DOCK3: variants seen among roughly 807,000 people sequenced by gnomAD.
DOCK3 encodes dedicator of cytokinesis protein 3.
In DOCK3, 60 loss-of-function variants were observed where a neutral mutation model predicts 265.6. That is an observed-to-expected ratio of 0.23 (90% confidence interval 0.18 to 0.28). The LOEUF (loss-of-function observed/expected upper bound fraction) is 0.28. DOCK3 is among the 10% of genes least tolerant of loss of function. The pLI is 1.00. For missense variants in DOCK3, 1,981 were observed against 2,594.3 expected (o/e 0.76, Z 5.14); for synonymous variants, 881 against 938.0 (o/e 0.94, Z 1.11).
At chr3:50,955,850 G>A (rs928051096) in intron 5 of DOCK3, among the ~76,000 whole-genome samples, 2 of 152,100 alleles carry the variant, frequency 1.3e-5, no homozygotes, top group Non-Finnish European at 2.9e-5. Flanking sequence ...GCTAAAAAAA[G>A]GGATAACAGT....
At chr3:50,741,812 A>G (rs1451003542) in intron 1 of DOCK3, among the ~76,000 whole-genome samples, 1 of 152,132 alleles carries the variant, frequency 6.6e-6, no homozygotes, top group Non-Finnish European at 1.5e-5. Context: ...GCTGGGTCAA[A>G]TGGTATTTCT....
intron 37 of DOCK3, among the ~76,000 whole-genome samples, chr3:51,340,666 GC>G (rs2085177605): frequency 6.6e-6 from 1 of 152,344 alleles, no homozygotes; most frequent in Non-Finnish European, 1.5e-5. Context: ...AGGCCCCTGA[GC>G]CGTGGCTGTG....
At chr3:50,937,548 C>T (rs1171977744) in intron 5 of DOCK3, among the ~76,000 whole-genome samples, 1 of 151,444 alleles carries the variant, frequency 6.6e-6, no homozygotes. Context: ...CCAAGCTACT[C>T]GAGAGGCTGA....
chr3:51,339,090 A>G (rs900934961), intron 37 of DOCK3, 62 bp downstream of exon 37: 15 of 1,384,212 alleles, frequency 1.1e-5, no homozygotes, highest in African/African-American at 2.9e-5. Context: ...GATTTGTACA[A>G]TAGGCAGAGA....
At chr3:50,849,570 C>T (rs1280485442) in intron 3 of DOCK3, among the ~76,000 whole-genome samples, 8 of 151,254 alleles carry the variant, frequency 5.3e-5, no homozygotes, top group Admixed American at 6.6e-5. Flanking sequence ...TCTCCCACCT[C>T]AACGTCCTGA....
In DOCK3 at chr3:50,719,027, G is replaced by A. The variant is rs968221872; in HGVS notation, c.37+43727G>A. On this transcript the variant is annotated intron_variant, in intron 1 of 52. Coordinates refer to ENST00000266037, the MANE Select transcript of DOCK3 (RefSeq NM_004947.5). The stretch of plus-strand genomic sequence containing the variant: ...TCTCAATCTCCTGACCTCGTGATCC[G>A]CCCACCTCAGCCTCCCAAAGTGCTG... Among the ~76,000 whole-genome samples the A allele has an allele frequency of 2.0e-5, 3 of 151,838 alleles. 1 individual carries two copies. In the South Asian group the frequency reaches 6.2e-4, roughly 32 times the overall value.
intron 10 of DOCK3, among the ~76,000 whole-genome samples, chr3:51,150,197 A>AT (rs1302855887): frequency 6.6e-6 from 1 of 151,770 alleles, no homozygotes; most frequent in Non-Finnish European, 1.5e-5. Flanking sequence ...CCCCTTTTTC[A>AT]TTTTTTATTA....
intron 5 of DOCK3, among the ~76,000 whole-genome samples, chr3:50,946,421 A>T (rs1330486619): frequency 6.6e-6 from 1 of 152,232 alleles, no homozygotes; most frequent in Non-Finnish European, 1.5e-5. Context: ...TTAGTATTTT[A>T]ACTATGTAAG....
At chr3:51,173,403 A>C (rs147688448) in intron 12 of DOCK3, among the ~76,000 whole-genome samples, 1 of 152,284 alleles carries the variant, frequency 6.6e-6, no homozygotes, top group Non-Finnish European at 1.5e-5. Flanking sequence ...GATTACAGGC[A>C]TAAGCCACCG....
intron 5 of DOCK3, among the ~76,000 whole-genome samples, chr3:51,055,408 G>A (rs2081159498): frequency 6.6e-6 from 1 of 152,080 alleles, no homozygotes; most frequent in Non-Finnish European, 1.5e-5. Flanking sequence ...CTTACTCTTA[G>A]GGCTTTTTTA....
At position 51,260,996 on chromosome 3, in the gene DOCK3, G is replaced by GA. The variant is rs902993795; in HGVS notation, c.2355+679dup. 8.0e-5 allele frequency among the ~76,000 whole-genome samples: 12 copies of GA among 149,598 alleles called. No individual in the cohort carries two copies. The South Asian group carries it at 1.7e-3, about 21-fold the overall frequency. On this transcript the variant is annotated intron_variant, in intron 23 of 52. Transcript: ENST00000266037. ...GAGACTCTGTCTCCAAAAAGAAAAA[G>GA]AAAAAAAAAGAAAATTTAGATTAGC...
At chr3:50,833,672 T>C (rs915980239) in intron 2 of DOCK3, among the ~76,000 whole-genome samples, 1 of 152,116 alleles carries the variant, frequency 6.6e-6, no homozygotes, top group Non-Finnish European at 1.5e-5. Context: ...AGACAAGATA[T>C]GAGGTCAGTT....
intron 4 of DOCK3, among the ~76,000 whole-genome samples, chr3:50,891,105 G>T (rs1198161336): frequency 6.6e-6 from 1 of 151,976 alleles, no homozygotes; most frequent in Non-Finnish European, 1.5e-5. Context: ...AGCAACTGGA[G>T]GCTGGAACCT....
intron 1 of DOCK3, among the ~76,000 whole-genome samples, chr3:50,713,921 G>A (rs2036935207): frequency 6.6e-6 from 1 of 152,096 alleles, no homozygotes; most frequent in Admixed American, 6.5e-5. Context: ...AGGGTAGCAG[G>A]CCACCATTAT....
chr3:50,710,953 A>G (rs1246578535), intron 1 of DOCK3, among the ~76,000 whole-genome samples: 1 of 152,220 alleles, frequency 6.6e-6, no homozygotes, highest in African/African-American at 2.4e-5. Flanking sequence ...GAGCTAAGCC[A>G]TGAGGATGTA....
rs1485707375 is a variant in DOCK3, at chr3:51,357,975, A to C, written c.4782A>C (p.Gly1594=). Residue 1594 remains glycine (G), a synonymous_variant, in exon 46 of 53, where the codon GGA becomes GGC. Coordinates refer to ENST00000266037, the MANE Select transcript of DOCK3 (RefSeq NM_004947.5). ...ELMQEQVHVL[G]VGLAVHEKFV... is the part of the protein sequence containing the mutation. ...GACTCTGATAGGTTCATGTCCTTGG[A>C]GTTGGGCTAGCAGTTCATGAGAAGT... 1 of 1,613,970 alleles carries C rather than the reference A, an allele frequency of 6.2e-7. No individual in the cohort carries two copies. Among genetic ancestry groups the C allele is most frequent in the East Asian group, 2.2e-5 (1 of 44,882 alleles).
chr3:51,016,741 AT>A (rs2079312409), intron 5 of DOCK3, among the ~76,000 whole-genome samples: 1 of 67,038 alleles, frequency 1.5e-5, no homozygotes, highest in Non-Finnish European at 2.4e-5. Context: ...TACATATTAT[AT>A]ATATCAATAT....
intron 1 of DOCK3, among the ~76,000 whole-genome samples, chr3:50,773,001 A>G (rs1169234478): frequency 6.6e-6 from 1 of 152,204 alleles, no homozygotes; most frequent in Non-Finnish European, 1.5e-5. Context: ...AGCAAAAAGA[A>G]AACAGCTGGA....
At chr3:50,829,577 GA>G (rs1006212978) in intron 2 of DOCK3, among the ~76,000 whole-genome samples, 1 of 151,234 alleles carries the variant, frequency 6.6e-6, no homozygotes, top group South Asian at 2.1e-4. Flanking sequence ...TATGCCCTCA[GA>G]AAAAAAAAGT....
Sources: gnomAD v4.1 joint callset for allele counts (sites outside exome capture counted in the v4.1 genomes callset) on GRCh38, gnomAD v4.1.1 for gene constraint, MANE v1.5 for transcripts, NCBI Gene and HGNC (gene_info 2026-07-23, HGNC 2026-07-21) for gene names.